ESRRG: variants seen among roughly 807,000 people sequenced by gnomAD.
ESRRG encodes the protein estrogen related receptor gamma, also known as estrogen-related receptor gamma.
A neutral mutation model predicts 44.0 loss-of-function variants in ESRRG; 13 were observed. The ratio of observed to expected loss-of-function variants is 0.30; its 90% confidence interval spans 0.19 to 0.47. The LOEUF (loss-of-function observed/expected upper bound fraction) is 0.47, where lower values mean the gene tolerates loss of function less well. Ranked by LOEUF, ESRRG falls within the 20% of genes least tolerant of loss-of-function variation. The pLI, the probability that ESRRG is intolerant of heterozygous loss-of-function variation, is 1.00. For missense variants in ESRRG, 395 were observed against 580.6 expected (o/e 0.68, Z 3.29); for synonymous variants, 215 against 214.6 (o/e 1.00, Z -0.02).
chr1:217,036,409 A>G (rs919892080), intron 1 of ESRRG, among the ~76,000 whole-genome samples: 1 of 152,212 alleles, frequency 6.6e-6, no homozygotes, highest in Non-Finnish European at 1.5e-5. Context: ...CATGGAATCA[A>G]CCTAAATGCC....
intron 2 of ESRRG, among the ~76,000 whole-genome samples, chr1:216,846,244 T>C (rs2095746578): frequency 6.6e-6 from 1 of 152,182 alleles, no homozygotes; most frequent in African/African-American, 2.4e-5. Flanking sequence ...CTTTACGTAT[T>C]CTTGATCACC....
intron 2 of ESRRG, among the ~76,000 whole-genome samples, chr1:216,853,401 T>A (rs1452848743): frequency 6.6e-6 from 1 of 152,218 alleles, no homozygotes; most frequent in Non-Finnish European, 1.5e-5. Context: ...TGAGAAATCA[T>A]AAAGTCCAAA....
intron 5 of ESRRG, among the ~76,000 whole-genome samples, chr1:216,552,885 A>G (rs1318822520): frequency 6.6e-6 from 1 of 152,192 alleles, no homozygotes; most frequent in Non-Finnish European, 1.5e-5. Flanking sequence ...AACATTTATT[A>G]TAAAGCTCTC....
intron 2 of ESRRG, among the ~76,000 whole-genome samples, chr1:216,773,192 G>T (rs1317078630): frequency 6.6e-6 from 1 of 152,094 alleles, no homozygotes; most frequent in Non-Finnish European, 1.5e-5. Context: ...TATTCATAGT[G>T]AAAGATAGCG....
intron 2 of ESRRG, among the ~76,000 whole-genome samples, chr1:216,920,281 T>C (rs1301963219): frequency 6.6e-6 from 1 of 152,076 alleles, no homozygotes; most frequent in South Asian, 2.1e-4. Flanking sequence ...AAAATAATGA[T>C]TTAAATCATT....
At chr1:216,593,712 C>T (rs930560664) in intron 3 of ESRRG, among the ~76,000 whole-genome samples, 1 of 152,136 alleles carries the variant, frequency 6.6e-6, no homozygotes, top group African/African-American at 2.4e-5. Context: ...GTGAATAATT[C>T]TAGGATTTAT....
At chr1:216,523,354 T>G (rs911579115) in intron 5 of ESRRG, among the ~76,000 whole-genome samples, 1 of 152,126 alleles carries the variant, frequency 6.6e-6, no homozygotes, top group Non-Finnish European at 1.5e-5. Context: ...TTTGGAAGGA[T>G]TGAAAAGCTT....
At chr1:216,730,613 T>C (rs796450053) in intron 2 of ESRRG, among the ~76,000 whole-genome samples, 1 of 152,142 alleles carries the variant, frequency 6.6e-6, no homozygotes, top group East Asian at 1.9e-4. Flanking sequence ...ACAATGAATA[T>C]GTCTTGGATG....
At chr1:217,109,166 C>T (rs1020438415) in intron 1 of ESRRG, among the ~76,000 whole-genome samples, 5 of 152,032 alleles carry the variant, frequency 3.3e-5, no homozygotes, top group Non-Finnish European at 7.4e-5. Context: ...GGTTTTCCCA[C>T]CAAGATGCTC....
chr1:216,549,948 A>T (rs1309101750), intron 5 of ESRRG, among the ~76,000 whole-genome samples: 1 of 152,078 alleles, frequency 6.6e-6, no homozygotes, highest in Non-Finnish European at 1.5e-5. Context: ...GGGAGAGAGC[A>T]TATGTTTTCT....
intron 3 of ESRRG, among the ~76,000 whole-genome samples, chr1:216,593,430 T>C (rs927937378): frequency 1.3e-4 from 20 of 152,210 alleles, no homozygotes; most frequent in Admixed American, 6.5e-5. Flanking sequence ...AACCCTGACA[T>C]TGGGCCTTCC....
At chr1:217,133,305 A>G (rs7540820) in intron 1 of ESRRG, among the ~76,000 whole-genome samples, 7,102 of 152,372 alleles carry the variant, frequency 0.047, 198 homozygotes, top group African/African-American at 0.054. Context: ...GGAATGAATG[A>G]TTTAGACTAC....
chr1:216,876,466 G>T (rs74141693), intron 2 of ESRRG, among the ~76,000 whole-genome samples: 2 of 151,892 alleles, frequency 1.3e-5, no homozygotes, highest in Non-Finnish European at 2.9e-5. Context: ...GAAACTTCCA[G>T]TATAATTCCC....
intron 2 of ESRRG, among the ~76,000 whole-genome samples, chr1:216,768,821 C>T (rs912831928): frequency 2.0e-5 from 3 of 152,014 alleles, no homozygotes; most frequent in Non-Finnish European, 2.9e-5. Flanking sequence ...TAAATAAATT[C>T]AATATACAAG....
At chr1:216,675,007 A>G (rs1213896811) in intron 2 of ESRRG, among the ~76,000 whole-genome samples, 1 of 152,116 alleles carries the variant, frequency 6.6e-6, no homozygotes, top group African/African-American at 2.4e-5. Flanking sequence ...ACAAGTAAGG[A>G]TTGTCACTAA....
chr1:216,534,638 C>A (rs2050384350), intron 5 of ESRRG, among the ~76,000 whole-genome samples: 1 of 152,104 alleles, frequency 6.6e-6, no homozygotes, highest in African/African-American at 2.4e-5. Context: ...GTTCATGTAG[C>A]CGAATAACTG....
At chr1:216,817,011 G>A (rs373855616) in intron 2 of ESRRG, among the ~76,000 whole-genome samples, 8 of 151,270 alleles carry the variant, frequency 5.3e-5, no homozygotes, top group African/African-American at 1.9e-4. Context: ...CAATTTTGTA[G>A]GAAAGCATCA....
chr1:216,581,978 GT>G (rs1431071221), intron 3 of ESRRG, among the ~76,000 whole-genome samples: 1 of 152,200 alleles, frequency 6.6e-6, no homozygotes, highest in Non-Finnish European at 1.5e-5. Context: ...TAGAAGTCAA[GT>G]TTGACAATTG....
At position 216,651,010 on chromosome 1, in the gene ESRRG, G is replaced by A. The variant is rs758286902; in HGVS notation, c.552C>T (p.Arg184=). The part of the protein sequence containing the change: ...KRRRKSCQAC[R]FMKCLKVGML... ...TGCCCACTTTTAAACACTTCATGAA[G>A]CGGCAAGCCTGGCAGGATTTACGTC... is the stretch of plus-strand genomic sequence containing the variant. The change falls in exon 3 of 7, where the codon CGC becomes CGT. Residue 184 remains arginine (R), a synonymous_variant. Transcript: ENST00000408911. 6.2e-7 allele frequency: 1 copy of A among 1,613,030 alleles called. No homozygotes were observed. Among genetic ancestry groups the A allele is most frequent in the East Asian group, 2.2e-5 (1 of 44,868 alleles).
Sources: gnomAD v4.1 joint callset for allele counts (sites outside exome capture counted in the v4.1 genomes callset) on GRCh38, gnomAD v4.1.1 for gene constraint, MANE v1.5 for transcripts, NCBI Gene and HGNC (gene_info 2026-07-23, HGNC 2026-07-21) for gene names.